Variants in NKAIN2 observed in about 807,000 individuals in gnomAD.
NKAIN2 encodes the protein sodium/potassium transporting ATPase interacting 2.
Under a neutral mutation model 32.6 loss-of-function variants are expected in NKAIN2, and 14 were observed. The ratio of observed to expected loss-of-function variants is 0.43; its 90% CI spans 0.28 to 0.67. The LOEUF is 0.67. NKAIN2 is among the 30% of genes least tolerant of loss of function. The pLI, the probability that NKAIN2 is intolerant of heterozygous loss-of-function variation, is 0.17. For missense variants in NKAIN2, 198 were observed against 258.3 expected, an observed-to-expected ratio of 0.77 and a Z score of 1.60; for synonymous variants, 80 against 87.2, an observed-to-expected ratio of 0.92 and a Z score of 0.46.
At chr6:123,904,421 A>G (rs1774756353) in intron 1 of NKAIN2, among the ~76,000 whole-genome samples, 2 of 152,192 alleles carry the variant, frequency 1.3e-5, no homozygotes, top group South Asian at 2.1e-4. Flanking sequence ...TCAGATGTCT[A>G]TCATCTTCCT....
At chr6:124,281,185 TAG>T (rs1219601741) in intron 1 of NKAIN2, among the ~76,000 whole-genome samples, 1 of 152,226 alleles carries the variant, frequency 6.6e-6, no homozygotes, top group Admixed American at 6.5e-5. Flanking sequence ...TCCAAATTTA[TAG>T]AGTTTAGATG....
At chr6:124,396,582 A>G (rs1018906429) in intron 3 of NKAIN2, among the ~76,000 whole-genome samples, 3 of 152,194 alleles carry the variant, frequency 2.0e-5, no homozygotes, top group African/African-American at 4.8e-5. Context: ...GATTTCAGTC[A>G]TGTCATTCTG....
intron 4 of NKAIN2, among the ~76,000 whole-genome samples, chr6:124,779,661 T>C (rs1368705129): frequency 6.6e-6 from 1 of 152,136 alleles, no homozygotes; most frequent in Non-Finnish European, 1.5e-5. Context: ...GCCACACCAG[T>C]GTGAACAAGC....
chr6:124,649,495 C>T (rs916464470), intron 3 of NKAIN2, among the ~76,000 whole-genome samples: 2 of 152,004 alleles, frequency 1.3e-5, no homozygotes, highest in Non-Finnish European at 2.9e-5. Context: ...CAGAAAGCAC[C>T]AGACCTAGAT....
chr6:124,799,279 G>A (rs1780149577), intron 5 of NKAIN2, among the ~76,000 whole-genome samples: 1 of 152,160 alleles, frequency 6.6e-6, no homozygotes. Flanking sequence ...GTGAGCAATG[G>A]TTTGTTTTTC....
At chr6:124,501,243 T>G (rs892188779) in intron 3 of NKAIN2, among the ~76,000 whole-genome samples, 1 of 152,142 alleles carries the variant, frequency 6.6e-6, no homozygotes, top group Non-Finnish European at 1.5e-5. Context: ...TTCCATGACT[T>G]ACTGTGGGAA....
At chr6:124,163,294 C>T (rs1054903397) in intron 1 of NKAIN2, among the ~76,000 whole-genome samples, 2 of 151,822 alleles carry the variant, frequency 1.3e-5, no homozygotes, top group Non-Finnish European at 2.9e-5. Flanking sequence ...TTATAAGGAA[C>T]AGTCCTACTT....
At chr6:124,674,730 G>T (rs188452314) in intron 4 of NKAIN2, among the ~76,000 whole-genome samples, 8 of 151,888 alleles carry the variant, frequency 5.3e-5, no homozygotes, top group Admixed American at 2.6e-4. Context: ...TTGTGAATTT[G>T]TTTCTAACAG....
intron 1 of NKAIN2, among the ~76,000 whole-genome samples, chr6:124,157,844 G>A (rs1457506615): frequency 6.6e-6 from 1 of 152,118 alleles, no homozygotes; most frequent in Non-Finnish European, 1.5e-5. Flanking sequence ...CCTTCTGGTA[G>A]TTACTATTGT....
chr6:124,447,138 C>T (rs1775925482), intron 3 of NKAIN2, among the ~76,000 whole-genome samples: 1 of 152,010 alleles, frequency 6.6e-6, no homozygotes, highest in African/African-American at 2.4e-5. Flanking sequence ...CCTCTTTGAC[C>T]ACATAATCAC....
chr6:123,923,866 C>G (rs1222733522), intron 1 of NKAIN2, among the ~76,000 whole-genome samples: 1 of 150,072 alleles, frequency 6.7e-6, no homozygotes, highest in African/African-American at 2.5e-5. Flanking sequence ...GGGTGCAGCA[C>G]ACCAGCATGG....
At chr6:124,610,380 T>A (rs939158241) in intron 3 of NKAIN2, among the ~76,000 whole-genome samples, 1 of 152,224 alleles carries the variant, frequency 6.6e-6, no homozygotes, top group Non-Finnish European at 1.5e-5. Context: ...ATCCTAGTAC[T>A]ATTTCATGAC....
At chr6:124,506,584 T>C (rs754255388) in intron 3 of NKAIN2, among the ~76,000 whole-genome samples, 2 of 152,060 alleles carry the variant, frequency 1.3e-5, no homozygotes, top group African/African-American at 4.8e-5. Flanking sequence ...GGTTTAAGAG[T>C]GTTTTTAGGA....
chr6:124,471,050 T>A (rs1428778899), intron 3 of NKAIN2, among the ~76,000 whole-genome samples: 1 of 152,126 alleles, frequency 6.6e-6, no homozygotes, highest in Non-Finnish European at 1.5e-5. Context: ...AGTGGAATCC[T>A]TGCAACAACA....
chr6:124,601,405 C>CT (rs1782301837), intron 3 of NKAIN2, among the ~76,000 whole-genome samples: 1 of 152,006 alleles, frequency 6.6e-6, no homozygotes. Context: ...AAGTCAGCTC[C>CT]TTTTTTCAAA....
chr6:123,984,791 C>G (rs1779058376), intron 1 of NKAIN2, among the ~76,000 whole-genome samples: 1 of 151,912 alleles, frequency 6.6e-6, no homozygotes, highest in Non-Finnish European at 1.5e-5. Flanking sequence ...TCACTTTGGT[C>G]ATTATCAAAT....
chr6:123,813,602 A>G (rs1773570266), intron 1 of NKAIN2, among the ~76,000 whole-genome samples: 1 of 152,174 alleles, frequency 6.6e-6, no homozygotes, highest in Non-Finnish European at 1.5e-5. Context: ...ACCTGAGGTC[A>G]GGAGTTCGAG....
At chr6:124,636,983 G>A (rs1175887721) in intron 3 of NKAIN2, among the ~76,000 whole-genome samples, 2 of 151,844 alleles carry the variant, frequency 1.3e-5, no homozygotes, top group African/African-American at 4.8e-5. Context: ...GGATGCAAAC[G>A]TCCTCAACAA....
intron 3 of NKAIN2, among the ~76,000 whole-genome samples, chr6:124,524,140 A>G (rs1421543180): frequency 1.3e-5 from 2 of 152,208 alleles, no homozygotes; most frequent in Non-Finnish European, 2.9e-5. Context: ...TCTGGATGAA[A>G]CAAGATCAAC....
Sources: allele counts gnomAD v4.1 joint callset (sites outside exome capture counted in the v4.1 genomes callset), GRCh38; gene constraint gnomAD v4.1.1; transcripts MANE v1.5; gene names NCBI Gene and HGNC (gene_info 2026-07-23, HGNC 2026-07-21).